Variants in TXNRD2 observed in about 807,000 individuals in gnomAD.
The protein encoded by TXNRD2 is thioredoxin reductase 2, mitochondrial.
TXNRD2 carries 67 observed loss-of-function variants against 70.8 expected under a neutral mutation model. The observed-to-expected ratio is 0.95, with a 90% CI of 0.78 to 1.16. The LOEUF is 1.16. Among genes scored for constraint, TXNRD2 ranks in the 50% most tolerant of loss-of-function variants. The pLI, the probability that TXNRD2 is intolerant of heterozygous loss-of-function variation, is 0.00. For missense variants in TXNRD2, 644 were observed against 719.9 expected, an observed-to-expected ratio of 0.89 and a Z score of 1.21; for synonymous variants, 301 against 295.8, an observed-to-expected ratio of 1.02 and a Z score of -0.18.
intron 11 of TXNRD2, chr22:19,895,107 G>C: frequency 5.0e-6 from 8 of 1,597,926 alleles, no homozygotes; most frequent in Non-Finnish European, 6.8e-6. Context: ...GTTGATCCTC[G>C]ATGAGGACAC....
chr22:19,933,369 G>A, intron 1 of TXNRD2: 1 of 1,146,872 alleles, frequency 8.7e-7, no homozygotes, highest in Non-Finnish European at 1.2e-6. Context: ...TGAACCTGCT[G>A]ATGGAGAAGC....
At chr22:19,881,796 G>A (rs572991167) in intron 12 of TXNRD2, among the ~76,000 whole-genome samples, 69 of 152,306 alleles carry the variant, frequency 4.5e-4, no homozygotes, top group African/African-American at 1.6e-3. Context: ...GGCAGAGGCT[G>A]CGCTTGCAGA....
intron 1 of TXNRD2, 161 bp downstream of exon 1, chr22:19,941,540 G>C (rs1391317839): frequency 6.5e-6 from 8 of 1,226,766 alleles, no homozygotes; most frequent in Non-Finnish European, 8.3e-6. Context: ...GCTAGAAGCA[G>C]CCCGGACTCC....
chr22:19,911,075 A>C, intron 8 of TXNRD2: 2 of 400,622 alleles, frequency 5.0e-6, no homozygotes, highest in East Asian at 1.1e-4. Flanking sequence ...AATTCACCTA[A>C]AAAAAAAAGC....
intron 1 of TXNRD2, among the ~76,000 whole-genome samples, chr22:19,935,150 C>A (rs1474214136): frequency 6.6e-6 from 1 of 152,068 alleles, no homozygotes; most frequent in African/African-American, 2.4e-5. Flanking sequence ...AATGGACGTG[C>A]AAGTAGGAGA....
chr22:19,910,015 A>AC lies in TXNRD2; in HGVS notation c.662+1361dup, dbSNP rs201071116. Among the ~76,000 whole-genome samples the AC allele has an allele frequency of 2.9e-3, 402 of 137,102 alleles. 3 individuals are homozygous for AC. The highest frequency in any genetic ancestry group is 0.011 in the African/African-American group (388 of 36,768). 89.9% of individuals were successfully genotyped at this position (137,102 alleles called of 152,430 possible). On this transcript the variant is annotated intron_variant, in intron 8 of 17. Coordinates refer to ENST00000400521, the MANE Select transcript of TXNRD2 (RefSeq NM_006440.5). ...ACACACACCACACACATCTGCACGC[A>AC]CACCATGCACATTCGGGCACACACA...
intron 13 of TXNRD2, 71 bp from the exon 14 acceptor site, chr22:19,880,342 C>T: frequency 6.8e-7 from 1 of 1,469,716 alleles, no homozygotes; most frequent in Middle Eastern, 1.7e-4. Context: ...GCATGTGACA[C>T]AAAGAGCAGC....
intron 2 of TXNRD2, among the ~76,000 whole-genome samples, chr22:19,927,619 C>T (rs1289422971): frequency 1.5e-5 from 2 of 133,076 alleles, no homozygotes; most frequent in Non-Finnish European, 3.1e-5. Context: ...GCACCATTTA[C>T]TGCAGCCTGG....
In TXNRD2 at chr22:19,931,402, C is replaced by A. The variant is rs555447953; in HGVS notation, c.104-304G>T. Among the ~76,000 whole-genome samples the A allele has an allele frequency of 4.6e-5, 7 of 152,258 alleles. No homozygotes were observed. The South Asian group carries it at 1.0e-3, about 23-fold the overall frequency. On this transcript the variant is annotated intron_variant, in intron 1 of 17. Coordinates refer to ENST00000400521, the MANE Select transcript of TXNRD2 (RefSeq NM_006440.5). ...GCCAGACACAGAACTAAGATATTTT[C>A]TTTTTTATTCTATTTATTTTTGAGA...
At chr22:19,929,082 C>T (rs1941262670) in intron 2 of TXNRD2, among the ~76,000 whole-genome samples, 1 of 151,506 alleles carries the variant, frequency 6.6e-6, no homozygotes, top group African/African-American at 2.4e-5. Context: ...AATCCCAGCA[C>T]TTTGGGAGGC....
rs754205571 is a variant in TXNRD2 at position 19,918,140 on chromosome 22, T to G, written c.449+3A>C. 6.2e-7 allele frequency: 1 copy of G among 1,613,390 alleles called. No homozygotes were observed. The highest frequency in any genetic ancestry group is 8.5e-7 in the Non-Finnish European group (1 of 1,179,358). On this transcript the variant is annotated splice_donor_region_variant and intron_variant, in intron 5 of 17. Transcript: ENST00000400521. ...GGCCCATTCCCGGAGAGAGCTTCAG[T>G]ACCTGTCCTGAAGCTGGACACGGTG...
chr22:19,928,075 T>C (rs1439480254), intron 2 of TXNRD2, among the ~76,000 whole-genome samples: 1 of 151,174 alleles, frequency 6.6e-6, no homozygotes, highest in Non-Finnish European at 1.5e-5. Context: ...GAGACCAGCC[T>C]GGGCAACACA....
chr22:19,935,230 G>T (rs551124227), intron 1 of TXNRD2, among the ~76,000 whole-genome samples: 2 of 152,136 alleles, frequency 1.3e-5, no homozygotes, highest in Non-Finnish European at 2.9e-5. Context: ...TGCATTCCTG[G>T]GGGGAGGTCT....
chr22:19,886,969 G>A (rs1009564340), intron 11 of TXNRD2, among the ~76,000 whole-genome samples: 1 of 152,208 alleles, frequency 6.6e-6, no homozygotes, highest in Non-Finnish European at 1.5e-5. Flanking sequence ...GGGGCTTCTG[G>A]GCGCAGGGCA....
Position 19,918,939 on chromosome 22 carries a change from G to A in TXNRD2, c.295C>T (p.Gln99Ter). 1.2e-6 allele frequency: 2 copies of A among 1,612,960 alleles called. No individual in the cohort carries two copies. The highest frequency in any genetic ancestry group is 2.7e-5 in the African/African-American group (2 of 74,996). The change falls in exon 4 of 18, where the codon CAG becomes TAG. Residue 99 changes from glutamine to a stop codon, truncating the protein, a stop_gained. Transcript: ENST00000400521. LOFTEE classifies it high-confidence loss of function. Reference protein sequence around the residue: ...VGCIPKKLMHQAALLGGLIQD... With the variant: ...VGCIPKKLMH ...ATCAGGCCTCCCAGCAGTGCCGCCT[G>A]GTGCATCAGCTTCTTGGGGATGCAG... is the stretch of plus-strand genomic sequence containing the variant.
rs1938608882 is a variant in TXNRD2 at position 19,878,435 on chromosome 22, G to A, written c.1278C>T (p.Val426=). Reference sequence around the variant, plus strand: ...CCAGTGGTTTATAATGGGCGTGATAGACCTGAGGACAGGATACCAACCCTG... The same window carrying A: ...CCAGTGGTTTATAATGGGCGTGATAAACCTGAGGACAGGATACCAACCCTG... ...VARHGQEHVE[V]YHAHYKPLEF... Residue 426 remains valine, a splice_region_variant and synonymous_variant, in exon 15 of 18, where the codon GTC becomes GTT. Coordinates refer to ENST00000400521, the MANE Select transcript of TXNRD2 (RefSeq NM_006440.5). 1.2e-6 allele frequency: 2 copies of A among 1,613,522 alleles called. No individual in the cohort carries two copies. The highest frequency in any genetic ancestry group is 2.2e-5 in the East Asian group (1 of 44,876).
In TXNRD2 at chr22:19,931,102, A is replaced by C; in HGVS notation, c.104-4T>G. ...AGATCATAGTCCCGCTGACCTGCTG[A>C]GAGAAGGGATGAGAGGTGGGACGGA... On this transcript the variant is annotated splice_region_variant and splice_polypyrimidine_tract_variant and intron_variant, in intron 1 of 17. Coordinates refer to ENST00000400521, the MANE Select transcript of TXNRD2 (RefSeq NM_006440.5). 1 of 1,613,206 alleles carries C rather than the reference A, an allele frequency of 6.2e-7. No individual in the cohort carries two copies. Among genetic ancestry groups the C allele is most frequent in the African/African-American group, 1.3e-5 (1 of 75,036 alleles).
At chr22:19,896,296 T>C (rs1353500308) in intron 10 of TXNRD2, among the ~76,000 whole-genome samples, 16 of 149,366 alleles carry the variant, frequency 1.1e-4, no homozygotes, top group Admixed American at 9.9e-4. Context: ...AGACTCTGTC[T>C]CAAACCAAAA....
At position 19,939,280 on chromosome 22, in the gene TXNRD2, A is replaced by G. The variant is rs968877547; in HGVS notation, c.103+2421T>C. Among the ~76,000 whole-genome samples, 7 of 152,334 alleles carry G rather than the reference A, an allele frequency of 4.6e-5. No homozygotes were observed. In the East Asian group the frequency reaches 1.2e-3, roughly 25 times the overall value. Reference sequence around the variant, plus strand: ...GTTCAATCCTCCCTAATGGCAATGTAAACCCCTCTAACTAATCCCACTTCT... The same window carrying G: ...GTTCAATCCTCCCTAATGGCAATGTGAACCCCTCTAACTAATCCCACTTCT... On this transcript the variant is annotated intron_variant, in intron 1 of 17. Coordinates refer to ENST00000400521, the MANE Select transcript of TXNRD2 (RefSeq NM_006440.5).
Sources: gnomAD v4.1 joint callset for allele counts (sites outside exome capture counted in the v4.1 genomes callset) on GRCh38, gnomAD v4.1.1 for gene constraint, MANE v1.5 for transcripts, NCBI Gene and HGNC (gene_info 2026-07-23, HGNC 2026-07-21) for gene names.